The following CLTB variants were observed in gnomAD, a reference collection of about 807,000 sequenced individuals.
The protein encoded by CLTB is clathrin light chain B, also known as clathrin, light chain (Lcb).
In CLTB, 10 loss-of-function variants were observed where a neutral mutation model predicts 30.5. The observed-to-expected ratio is 0.33, with a 90% CI of 0.20 to 0.56. CLTB has a LOEUF of 0.56. CLTB is among the 20% of genes least tolerant of loss of function. The pLI, the probability that CLTB is intolerant of heterozygous loss-of-function variation, is 0.91. For missense variants in CLTB, 261 were observed against 308.3 expected (o/e 0.85, Z 1.15); for synonymous variants, 102 against 120.3 (o/e 0.85, Z 1.00).
Position 176,396,532 on chromosome 5 carries a change from C to T in CLTB, c.465G>A (p.Arg155=). 1 of 1,612,982 alleles carries T rather than the reference C, an allele frequency of 6.2e-7. No homozygotes were observed. Among genetic ancestry groups the T allele is most frequent in the Non-Finnish European group, 8.5e-7 (1 of 1,179,448 alleles). Residue 155 remains arginine (R), a splice_region_variant and synonymous_variant, in exon 5 of 6, where the codon CGG becomes CGA. Coordinates refer to ENST00000310418, the MANE Select transcript of CLTB (RefSeq NM_007097.5). ...GCTGGTAGAATGCTTTGTCAGCGAT[C>T]CTTGAGGGAAAGGTTGAGGGAAGGG... ...EQVEKNKINN[R]IADKAFYQQP...
chr5:176,413,140 G>C (rs1181422467), intron 1 of CLTB, among the ~76,000 whole-genome samples: 1 of 152,104 alleles, frequency 6.6e-6, no homozygotes, highest in African/African-American at 2.4e-5. Flanking sequence ...TTCCCACAGT[G>C]CTCTCCACCC....
At chr5:176,414,401 T>C (rs528786915) in intron 1 of CLTB, among the ~76,000 whole-genome samples, 1 of 151,260 alleles carries the variant, frequency 6.6e-6, no homozygotes, top group Admixed American at 6.6e-5. Context: ...CCACATCCTA[T>C]CTCCTGCCAG....
chr5:176,402,811 G>C (rs1383081294), intron 2 of CLTB, among the ~76,000 whole-genome samples: 5 of 152,192 alleles, frequency 3.3e-5, no homozygotes, highest in African/African-American at 1.2e-4. Flanking sequence ...CAGATAAAGA[G>C]AGTGGGGAAG....
chr5:176,394,751 G>A (rs550814307), intron 5 of CLTB, among the ~76,000 whole-genome samples: 1 of 152,024 alleles, frequency 6.6e-6, no homozygotes, highest in Non-Finnish European at 1.5e-5. Context: ...GGAGGCGGAG[G>A]TTGCAGTGAG....
At chr5:176,397,280 G>A (rs1756569117) in intron 4 of CLTB, among the ~76,000 whole-genome samples, 1 of 151,780 alleles carries the variant, frequency 6.6e-6, no homozygotes, top group African/African-American at 2.4e-5. Flanking sequence ...GGGAGCACTG[G>A]GCAGTGTTCA....
chr5:176,399,237 AGT>A (rs1756695702), intron 2 of CLTB, among the ~76,000 whole-genome samples: 1 of 152,316 alleles, frequency 6.6e-6, no homozygotes, highest in African/African-American at 2.4e-5. Flanking sequence ...AGCCCAGCAC[AGT>A]GCCTGGCCCA....
At position 176,392,950 on chromosome 5, in the gene CLTB, G is replaced by T; in HGVS notation, c.519-5C>A. The T allele has an allele frequency of 6.2e-7, 1 of 1,613,932 alleles. No homozygotes were observed. On this transcript the variant is annotated splice_polypyrimidine_tract_variant and splice_region_variant and intron_variant, in intron 5 of 5. Coordinates refer to ENST00000310418, the MANE Select transcript of CLTB (RefSeq NM_007097.5). The surrounding 1 kb of genome is among the most constrained non-coding windows in gnomAD (Gnocchi z 5.2). ...ACGAAAGCCTCCTCGGATGCCCTGC[G>T]GGTGGAGATAGGACGGGCTTTTATA...
chr5:176,409,050 C>T (rs893844777), intron 2 of CLTB, among the ~76,000 whole-genome samples: 2 of 152,126 alleles, frequency 1.3e-5, no homozygotes, highest in African/African-American at 4.8e-5. Flanking sequence ...GATCTCGGCT[C>T]ACCGCAACCT....
intron 5 of CLTB, among the ~76,000 whole-genome samples, chr5:176,395,401 T>C (rs1024925165): frequency 6.6e-6 from 1 of 152,144 alleles, no homozygotes; most frequent in Non-Finnish European, 1.5e-5. Flanking sequence ...CTTACCAATC[T>C]GGCACAAGGC....
At chr5:176,410,163 G>T in intron 2 of CLTB, 94 bp downstream of exon 2, 2 of 1,103,552 alleles carry the variant, frequency 1.8e-6, no homozygotes, top group Non-Finnish European at 2.7e-6. Flanking sequence ...ATGAACAGGA[G>T]AACCTGGAGC....
intron 2 of CLTB, among the ~76,000 whole-genome samples, chr5:176,403,915 C>A: frequency 6.6e-6 from 1 of 151,998 alleles, no homozygotes; most frequent in Non-Finnish European, 1.5e-5. Flanking sequence ...TGGGCACCAC[C>A]ACACCCGACT....
At chr5:176,416,097 C>G (rs899493210) in intron 1 of CLTB, 80 bp downstream of exon 1, 1 of 1,342,834 alleles carries the variant, frequency 7.4e-7, no homozygotes, top group Non-Finnish European at 9.7e-7. Context: ...AGCAGGCTCT[C>G]TTCCCTGTGC....
intron 1 of CLTB, among the ~76,000 whole-genome samples, chr5:176,411,946 G>A (rs1757446504): frequency 1.3e-5 from 2 of 152,134 alleles, no homozygotes; most frequent in African/African-American, 4.8e-5. Flanking sequence ...GGAGGCTGAG[G>A]TGGGCAGATC....
chr5:176,398,195 A>G (rs1048893359), intron 2 of CLTB, 148 bp from the exon 3 acceptor site: 2 of 688,728 alleles, frequency 2.9e-6, no homozygotes, highest in Non-Finnish European at 5.1e-6. Context: ...CTATCTTTGC[A>G]CTTGCTGTTC....
At chr5:176,402,222 C>T (rs1399111384) in intron 2 of CLTB, among the ~76,000 whole-genome samples, 2 of 152,200 alleles carry the variant, frequency 1.3e-5, no homozygotes, top group Admixed American at 6.5e-5. Context: ...GAATTGAACC[C>T]GGGAGATGGA....
chr5:176,394,625 T>G (rs13169024), intron 5 of CLTB, among the ~76,000 whole-genome samples: 2 of 150,702 alleles, frequency 1.3e-5, no homozygotes, highest in Admixed American at 6.6e-5. Flanking sequence ...GCATCCTGGC[T>G]AACACGGTGA....
chr5:176,401,262 T>C (rs1337051318), intron 2 of CLTB, among the ~76,000 whole-genome samples: 2 of 152,258 alleles, frequency 1.3e-5, no homozygotes, highest in African/African-American at 4.8e-5. Context: ...TTTGTGTATA[T>C]GGGTTTATCC....
intron 1 of CLTB, among the ~76,000 whole-genome samples, chr5:176,415,515 T>C (rs1339895349): frequency 6.6e-6 from 1 of 151,916 alleles, no homozygotes; most frequent in Non-Finnish European, 1.5e-5. Flanking sequence ...AGACCCCATC[T>C]CAAAAAAAGG....
chr5:176,401,978 C>A (rs1403621087), intron 2 of CLTB: 1 of 328,128 alleles, frequency 3.0e-6, no homozygotes, highest in African/African-American at 2.2e-5. Context: ...TATTCGGAGT[C>A]TAAATCCGAT....
Sources: allele counts gnomAD v4.1 joint callset (sites outside exome capture counted in the v4.1 genomes callset), GRCh38; gene constraint gnomAD v4.1.1; non-coding constraint Gnocchi (gnomAD v3.1); transcripts MANE v1.5; gene names NCBI Gene and HGNC (gene_info 2026-07-23, HGNC 2026-07-21).